The following SORCS2 variants were observed in gnomAD, a reference collection of about 807,000 sequenced individuals.
SORCS2 encodes the protein VPS10 domain-containing receptor SorCS2.
Under a neutral mutation model 141.6 loss-of-function variants are expected in SORCS2, and 100 were observed. The observed-to-expected ratio is 0.71, with a 90% CI of 0.60 to 0.83. The LOEUF (loss-of-function observed/expected upper bound fraction) is 0.83, where lower values mean the gene tolerates loss of function less well. Ranked by LOEUF, SORCS2 falls within the 40% of genes least tolerant of loss-of-function variation. SORCS2 has a pLI of 0.00. For missense variants in SORCS2, 1,646 were observed against 1,560.2 expected (o/e 1.05, Z -0.93); for synonymous variants, 789 against 676.9 (o/e 1.17, Z -2.57).
intron 3 of SORCS2, among the ~76,000 whole-genome samples, chr4:7,603,992 G>C (rs1717899598): frequency 6.6e-6 from 1 of 152,030 alleles, no homozygotes; most frequent in Non-Finnish European, 1.5e-5. Flanking sequence ...TGACTATGTT[G>C]CGTGTGACTC....
At chr4:7,627,255 G>A (rs1416974858) in intron 3 of SORCS2, among the ~76,000 whole-genome samples, 1 of 152,174 alleles carries the variant, frequency 6.6e-6, no homozygotes, top group Non-Finnish European at 1.5e-5. Flanking sequence ...AAAATGCTGG[G>A]ATTACAGGTA....
chr4:7,724,258 G>A (rs1336952454), intron 19 of SORCS2, among the ~76,000 whole-genome samples: 1 of 148,652 alleles, frequency 6.7e-6, no homozygotes, highest in Non-Finnish European at 1.5e-5. Flanking sequence ...CGTTGGTGTT[G>A]GTGATGGTGA....
intron 1 of SORCS2, among the ~76,000 whole-genome samples, chr4:7,383,815 G>A (rs3889193): frequency 0.014 from 2,128 of 152,280 alleles, 24 homozygotes; most frequent in Middle Eastern, 0.086. Flanking sequence ...AGTGACGGGT[G>A]AAATTAAAAT....
At chr4:7,501,913 G>T (rs1221030233) in intron 2 of SORCS2, among the ~76,000 whole-genome samples, 2 of 152,230 alleles carry the variant, frequency 1.3e-5, no homozygotes, top group South Asian at 2.1e-4. Context: ...CTCCCACAAC[G>T]AGCACAGCTT....
At chr4:7,463,262 T>C (rs1176550315) in intron 2 of SORCS2, among the ~76,000 whole-genome samples, 1 of 152,200 alleles carries the variant, frequency 6.6e-6, no homozygotes, top group Non-Finnish European at 1.5e-5. Context: ...TAGGATTTGC[T>C]GCACAGCCCG....
chr4:7,719,970 C>T (rs1030424815), intron 18 of SORCS2, among the ~76,000 whole-genome samples: 5 of 152,108 alleles, frequency 3.3e-5, no homozygotes, highest in South Asian at 2.1e-4. Context: ...AGAGGCCACC[C>T]GCTACGCTAG....
intron 3 of SORCS2, among the ~76,000 whole-genome samples, chr4:7,631,923 C>G (rs568654187): frequency 6.6e-6 from 1 of 152,184 alleles, no homozygotes; most frequent in Non-Finnish European, 1.5e-5. Context: ...GCATCAGGAC[C>G]CCCATGTTAG....
chr4:7,486,394 G>T (rs1344607977), intron 2 of SORCS2, among the ~76,000 whole-genome samples: 4 of 49,054 alleles, frequency 8.2e-5, no homozygotes, highest in Non-Finnish European at 1.4e-4. Context: ...CCACACACGG[G>T]GCAGGATGCG....
chr4:7,386,670 CAT>C (rs558188015), intron 1 of SORCS2, among the ~76,000 whole-genome samples: 234 of 151,688 alleles, frequency 1.5e-3, no homozygotes, highest in Admixed American at 3.4e-3. Flanking sequence ...TGCACACACA[CAT>C]AGGTACATGC....
At chr4:7,445,507 C>G (rs189535255) in intron 2 of SORCS2, among the ~76,000 whole-genome samples, 2 of 152,042 alleles carry the variant, frequency 1.3e-5, no homozygotes, top group Admixed American at 1.3e-4. Context: ...AGGCCTGGGG[C>G]GCGGCAGCAG....
intron 3 of SORCS2, among the ~76,000 whole-genome samples, chr4:7,623,090 AC>A (rs1428480958): frequency 1.3e-5 from 2 of 149,670 alleles, no homozygotes; most frequent in East Asian, 2.0e-4. Flanking sequence ...AGGGACCATT[AC>A]CCCCCCGACT....
intron 1 of SORCS2, among the ~76,000 whole-genome samples, chr4:7,307,013 A>G (rs1284271032): frequency 1.3e-5 from 2 of 152,212 alleles, no homozygotes; most frequent in African/African-American, 4.8e-5. Flanking sequence ...CTGCAAGTCC[A>G]CAGTGTGCAG....
chr4:7,344,027 C>A (rs956108335), intron 1 of SORCS2, among the ~76,000 whole-genome samples: 1 of 152,136 alleles, frequency 6.6e-6, no homozygotes, highest in East Asian at 1.9e-4. Context: ...TCCAAGTTGC[C>A]CCAAGATGTT....
intron 1 of SORCS2, among the ~76,000 whole-genome samples, chr4:7,262,154 C>T (rs1018249927): frequency 2.0e-5 from 3 of 150,284 alleles, no homozygotes; most frequent in African/African-American, 7.4e-5. Context: ...GCCCATCTAC[C>T]CATCCATTCT....
chr4:7,638,617 C>G, intron 4 of SORCS2, 125 bp downstream of exon 4: 9 of 1,007,216 alleles, frequency 8.9e-6, no homozygotes, highest in Non-Finnish European at 1.2e-5. Context: ...GAGGAGCCTC[C>G]CGGGGCTGGG....
At chr4:7,429,911 G>A (rs888646860) in intron 2 of SORCS2, among the ~76,000 whole-genome samples, 1 of 152,204 alleles carries the variant, frequency 6.6e-6, no homozygotes, top group Non-Finnish European at 1.5e-5. Flanking sequence ...CGGTGACTGT[G>A]GGAGGTGGGC....
chr4:7,541,799 G>C (rs1712685413), intron 3 of SORCS2, among the ~76,000 whole-genome samples: 1 of 152,222 alleles, frequency 6.6e-6, no homozygotes, highest in African/African-American at 2.4e-5. Context: ...CAGCACACGG[G>C]GCGTGTGGAC....
intron 23 of SORCS2, among the ~76,000 whole-genome samples, chr4:7,731,899 G>T (rs1373458566): frequency 6.6e-6 from 1 of 152,212 alleles, no homozygotes; most frequent in African/African-American, 2.4e-5. Flanking sequence ...GAGCAATGCT[G>T]TTTTGCAGAT....
At chr4:7,607,945 C>T (rs1718166249) in intron 3 of SORCS2, among the ~76,000 whole-genome samples, 1 of 152,060 alleles carries the variant, frequency 6.6e-6, no homozygotes, top group South Asian at 2.1e-4. Context: ...TTGCGGTTCC[C>T]CTGTGCTTTG....
Sources: allele counts gnomAD v4.1 joint callset (sites outside exome capture counted in the v4.1 genomes callset), GRCh38; gene constraint gnomAD v4.1.1; transcripts MANE v1.5; gene names NCBI Gene and HGNC (gene_info 2026-07-23, HGNC 2026-07-21).